Variants in SLC8A3 observed in about 807,000 individuals in gnomAD.
SLC8A3 encodes the protein solute carrier family 8 member A3.
In SLC8A3, 37 loss-of-function variants were observed where a neutral mutation model predicts 65.4. That is an observed-to-expected ratio of 0.57 (90% confidence interval 0.44 to 0.74). SLC8A3 has a LOEUF of 0.74. Among genes scored for constraint, SLC8A3 ranks in the 30% least tolerant of loss-of-function variants. SLC8A3 has a pLI of 0.00. For synonymous variants in SLC8A3, 461 were observed against 444.5 expected (o/e 1.04, Z -0.47); for missense variants, 1,112 against 1,172.1 (o/e 0.95, Z 0.75).
intron 2 of SLC8A3, among the ~76,000 whole-genome samples, chr14:70,117,913 A>G (rs1237878452): frequency 6.6e-6 from 1 of 152,064 alleles, no homozygotes; most frequent in Non-Finnish European, 1.5e-5. Context: ...TGCCCCTCCC[A>G]TTCTTTGCCA....
intron 6 of SLC8A3, chr14:70,047,549 T>A (rs1259817924): frequency 6.6e-6 from 1 of 152,250 alleles, no homozygotes; most frequent in Non-Finnish European, 1.5e-5. Context: ...ATCTCTTGCA[T>A]CACTAATGGA....
At chr14:70,068,646 A>G (rs1455629553) in intron 2 of SLC8A3, among the ~76,000 whole-genome samples, 2 of 152,108 alleles carry the variant, frequency 1.3e-5, no homozygotes, top group Non-Finnish European at 1.5e-5. Flanking sequence ...GACCTCCCAA[A>G]GTGCTGGGAT....
intron 2 of SLC8A3, among the ~76,000 whole-genome samples, chr14:70,127,042 G>A (rs1461170974): frequency 6.6e-6 from 1 of 151,982 alleles, no homozygotes; most frequent in East Asian, 1.9e-4. Context: ...CCTAATTGTT[G>A]AGCACAATGT....
At chr14:70,097,206 G>C (rs1482525258) in intron 2 of SLC8A3, among the ~76,000 whole-genome samples, 3 of 151,092 alleles carry the variant, frequency 2.0e-5, no homozygotes, top group Non-Finnish European at 4.4e-5. Flanking sequence ...ATGCAACAGA[G>C]TCAGAATGAA....
At chr14:70,051,223 G>C in intron 4 of SLC8A3, 116 bp from the exon 5 acceptor site, 1 of 690,066 alleles carries the variant, frequency 1.4e-6, no homozygotes. Flanking sequence ...TGACAGTTAC[G>C]CATGGAATGG....
chr14:70,052,662 A>G (rs1413728766), intron 3 of SLC8A3, among the ~76,000 whole-genome samples: 1 of 152,168 alleles, frequency 6.6e-6, no homozygotes, highest in Non-Finnish European at 1.5e-5. Flanking sequence ...GCACTTCTCC[A>G]TGAAGACATG....
At chr14:70,152,172 C>T (rs1376234194) in intron 2 of SLC8A3, among the ~76,000 whole-genome samples, 1 of 152,088 alleles carries the variant, frequency 6.6e-6, no homozygotes, top group African/African-American at 2.4e-5. Flanking sequence ...GGAAGCAACA[C>T]CTCCCTGAGC....
chr14:70,048,687 G>A, intron 6 of SLC8A3, 80 bp downstream of exon 6: 1 of 1,223,586 alleles, frequency 8.2e-7, no homozygotes, highest in Non-Finnish European at 1.2e-6. Flanking sequence ...AGATGGTGTG[G>A]AAGATAATGA....
intron 2 of SLC8A3, among the ~76,000 whole-genome samples, chr14:70,109,430 T>C (rs1009199363): frequency 7.2e-6 from 1 of 138,408 alleles, no homozygotes; most frequent in Admixed American, 8.0e-5. Context: ...TGTGTATATA[T>C]ATACATGTAT....
chr14:70,148,787 A>T (rs891915450), intron 2 of SLC8A3, among the ~76,000 whole-genome samples: 1 of 152,242 alleles, frequency 6.6e-6, no homozygotes, highest in Non-Finnish European at 1.5e-5. Context: ...GCCAGGGCTG[A>T]TCAGTGACCA....
intron 1 of SLC8A3, among the ~76,000 whole-genome samples, chr14:70,173,827 C>T (rs1024991954): frequency 6.6e-6 from 1 of 152,138 alleles, no homozygotes; most frequent in Non-Finnish European, 1.5e-5. Context: ...CAATACTCCT[C>T]GAGAGACACA....
At chr14:70,060,735 G>A in intron 3 of SLC8A3, 101 bp downstream of exon 3, 1 of 791,524 alleles carries the variant, frequency 1.3e-6, no homozygotes, top group South Asian at 1.4e-5. Context: ...AAAGGAGGGA[G>A]ACAAAAATAT....
rs1887165711 is a variant in SLC8A3 at position 70,049,159 on chromosome 14, C to G, written c.2114-117G>C. 4.8e-6 allele frequency: 5 copies of G among 1,051,654 alleles called. No individual in the cohort carries two copies. In the South Asian group the frequency reaches 8.2e-5, roughly 17 times the overall value. 65.1% of individuals were successfully genotyped at this position (1,051,654 alleles called of 1,614,324 possible). ...TCCGCTAGAAGGGGACTCCAGCTGT[C>G]TTCTGGGCAGCTGGTGGGGGCCAGG... is the stretch of plus-strand genomic sequence containing the variant. On this transcript the variant is annotated intron_variant, in intron 5 of 6. Coordinates refer to ENST00000356921, the MANE Select transcript of SLC8A3 (RefSeq NM_182932.3).
intron 2 of SLC8A3, among the ~76,000 whole-genome samples, chr14:70,126,570 TCACACACACA>T (rs55776930): frequency 2.6e-5 from 3 of 116,994 alleles, no homozygotes; most frequent in African/African-American, 6.4e-5. Flanking sequence ...TCTCTCTCTC[TCACACACACA>T]CACACACACA....
At chr14:70,133,540 A>G (rs1218082858) in intron 2 of SLC8A3, among the ~76,000 whole-genome samples, 2 of 152,180 alleles carry the variant, frequency 1.3e-5, no homozygotes, top group African/African-American at 2.4e-5. Flanking sequence ...AGGTCTTTTG[A>G]CAAATTCCGT....
chr14:70,101,086 A>G (rs942360766), intron 2 of SLC8A3, among the ~76,000 whole-genome samples: 3 of 152,252 alleles, frequency 2.0e-5, no homozygotes, highest in African/African-American at 7.2e-5. Flanking sequence ...CATACTGCAT[A>G]CCTACTAGGT....
At chr14:70,130,898 A>T (rs1333602361) in intron 2 of SLC8A3, among the ~76,000 whole-genome samples, 1 of 152,250 alleles carries the variant, frequency 6.6e-6, no homozygotes, top group Non-Finnish European at 1.5e-5. Context: ...TCAGGTAGAA[A>T]TGCCTAGCAG....
intron 2 of SLC8A3, among the ~76,000 whole-genome samples, chr14:70,153,714 C>T (rs532462612): frequency 2.0e-5 from 3 of 152,310 alleles, no homozygotes; most frequent in East Asian, 1.9e-4. Flanking sequence ...CCTCTGCCTC[C>T]GCTCTCCTGT....
intron 2 of SLC8A3, among the ~76,000 whole-genome samples, chr14:70,124,797 T>G (rs1361395487): frequency 6.6e-6 from 1 of 152,154 alleles, no homozygotes; most frequent in Non-Finnish European, 1.5e-5. Context: ...GAGCAAAAGG[T>G]GATACTTGCC....
Sources: gnomAD v4.1 joint callset for allele counts (sites outside exome capture counted in the v4.1 genomes callset) on GRCh38, gnomAD v4.1.1 for gene constraint, MANE v1.5 for transcripts, NCBI Gene and HGNC (gene_info 2026-07-23, HGNC 2026-07-21) for gene names.